The following TBC1D5 variants were observed in gnomAD, a reference collection of about 807,000 sequenced individuals.
The protein encoded by TBC1D5 is TBC1 domain family member 5.
In TBC1D5, 75 loss-of-function variants were observed where a neutral mutation model predicts 100.3. The observed-to-expected ratio is 0.75, with a 90% CI of 0.62 to 0.91. TBC1D5 has a LOEUF of 0.91. TBC1D5 is among the 40% of genes least tolerant of loss of function. TBC1D5 has a pLI of 0.00. For missense variants in TBC1D5, 910 were observed against 942.4 expected (o/e 0.97, Z 0.45); for synonymous variants, 323 against 325.6 (o/e 0.99, Z 0.09).
chr3:17,215,631 G>C (rs1472626099), intron 17 of TBC1D5, among the ~76,000 whole-genome samples: 1 of 152,078 alleles, frequency 6.6e-6, no homozygotes, highest in Non-Finnish European at 1.5e-5. Context: ...GTACCATAGA[G>C]ACTGTATTTA....
At chr3:17,242,775 T>C (rs931560945) in intron 16 of TBC1D5, among the ~76,000 whole-genome samples, 10 of 152,072 alleles carry the variant, frequency 6.6e-5, no homozygotes, top group Non-Finnish European at 1.3e-4. Flanking sequence ...TGGGAAAATG[T>C]TCTGATTTTT....
chr3:17,219,255 C>A (rs2074007709), intron 17 of TBC1D5, among the ~76,000 whole-genome samples: 1 of 151,820 alleles, frequency 6.6e-6, no homozygotes. Flanking sequence ...CTATTTAATT[C>A]TCTTTTTATA....
At chr3:17,484,048 A>C (rs2095530903) in intron 3 of TBC1D5, among the ~76,000 whole-genome samples, 1 of 152,162 alleles carries the variant, frequency 6.6e-6, no homozygotes, top group Non-Finnish European at 1.5e-5. Flanking sequence ...AGGTAAAGAT[A>C]CTACCTATAC....
At chr3:17,180,916 CAAAAAA>C (rs76797012) in intron 19 of TBC1D5, among the ~76,000 whole-genome samples, 1 of 96,176 alleles carries the variant, frequency 1.0e-5, no homozygotes, top group Non-Finnish European at 2.2e-5. Flanking sequence ...ACATTTACAC[CAAAAAA>C]AAAAAAAAAA....
At position 17,298,219 on chromosome 3, in the gene TBC1D5, A is replaced by G. The variant is rs115764333; in HGVS notation, c.1139-6218T>C. Among the ~76,000 whole-genome samples, 1,495 of 152,352 alleles carry G rather than the reference A, an allele frequency of 9.8e-3. 27 individuals carry two copies. The highest frequency in any genetic ancestry group is 0.034 in the African/African-American group (1,401 of 41,576). ...ATACATTGTCAGTAAAAATGGCTGA[A>G]GTACACAAGGTATTTAAGAAGTGCT... is the stretch of plus-strand genomic sequence containing the variant. On this transcript the variant is annotated intron_variant, in intron 14 of 21. Coordinates refer to ENST00000253692, the Ensembl canonical transcript of TBC1D5.
chr3:17,587,456 T>G (rs562213593), intron 2 of TBC1D5, among the ~76,000 whole-genome samples: 6 of 152,146 alleles, frequency 3.9e-5, no homozygotes, highest in African/African-American at 1.4e-4. Flanking sequence ...CAACTGAAAT[T>G]TACTGAGATT....
At chr3:17,445,849 G>A (rs1457633262) in intron 3 of TBC1D5, among the ~76,000 whole-genome samples, 2 of 152,166 alleles carry the variant, frequency 1.3e-5, no homozygotes, top group East Asian at 1.9e-4. Flanking sequence ...ATTCGCCACA[G>A]ATAAGAGTGT....
At position 17,167,773 on chromosome 3, in the gene TBC1D5, CA is replaced by C. The variant is rs1173393278; in HGVS notation, c.1907del (p.Leu636ArgfsTer7). On this transcript the variant is annotated frameshift_variant, in exon 20 of 22. Transcript: ENST00000253692. LOFTEE classifies it high-confidence loss of function. ...CCTGTTTTAATCCTGCCAGGGAAAC[CA>C]GAATTTGATCTTCTTTTTCCAAATT... 2 of 1,613,278 alleles carry C rather than the reference CA, an allele frequency of 1.2e-6. No individual in the cohort carries two copies. Among genetic ancestry groups the C allele is most frequent in the Non-Finnish European group, 8.5e-7 (1 of 1,179,658 alleles).
chr3:17,557,686 G>A (rs2153464157), intron 2 of TBC1D5, among the ~76,000 whole-genome samples: 1 of 152,142 alleles, frequency 6.6e-6, no homozygotes, highest in South Asian at 2.1e-4. Flanking sequence ...TAGTGGCTGG[G>A]ACAACAGACA....
chr3:17,470,953 T>C (rs2095365935), intron 3 of TBC1D5, among the ~76,000 whole-genome samples: 1 of 152,106 alleles, frequency 6.6e-6, no homozygotes, highest in Non-Finnish European at 1.5e-5. Context: ...CATGAACTTC[T>C]GCAAGGAAAA....
chr3:17,429,463 G>A (rs1263391695), intron 3 of TBC1D5, among the ~76,000 whole-genome samples: 2 of 151,750 alleles, frequency 1.3e-5, no homozygotes, highest in Admixed American at 6.6e-5. Context: ...TTTATATAAT[G>A]TAACTTTCAA....
At chr3:17,396,779 G>A (rs946307313) in intron 8 of TBC1D5, among the ~76,000 whole-genome samples, 4 of 152,086 alleles carry the variant, frequency 2.6e-5, no homozygotes, top group Admixed American at 1.3e-4. Context: ...AGAAATAAAA[G>A]TAAATGTTTC....
exon 1 of TBC1D5, chr3:17,740,378 T>C (rs533056381): frequency 2.6e-4 from 39 of 150,990 alleles, no homozygotes; most frequent in African/African-American, 8.3e-4. Context: ...CTTACAACAG[T>C]GTCCGGCACT....
At chr3:17,573,688 C>T (rs116932183) in intron 2 of TBC1D5, among the ~76,000 whole-genome samples, 2,523 of 152,048 alleles carry the variant, frequency 0.017, 53 homozygotes, top group South Asian at 0.048. Flanking sequence ...TTCCCTCCAC[C>T]TAGAGTGTCT....
chr3:17,318,816 T>G (rs953060146), intron 13 of TBC1D5, among the ~76,000 whole-genome samples: 1 of 152,198 alleles, frequency 6.6e-6, no homozygotes, highest in African/African-American at 2.4e-5. Flanking sequence ...ATGTCATCTG[T>G]GTGGTAGCTG....
intron 15 of TBC1D5, among the ~76,000 whole-genome samples, chr3:17,277,918 G>C (rs537404152): frequency 1.3e-5 from 2 of 152,284 alleles, no homozygotes; most frequent in South Asian, 4.1e-4. Context: ...ACGATCTCTA[G>C]AGTTTTAACC....
At chr3:17,658,219 G>A (rs2066282697) in intron 1 of TBC1D5, among the ~76,000 whole-genome samples, 1 of 152,156 alleles carries the variant, frequency 6.6e-6, no homozygotes, top group Non-Finnish European at 1.5e-5. Context: ...TTCCCATCAA[G>A]TGGAGCATGA....
chr3:17,352,245 T>C (rs750408706), intron 13 of TBC1D5, among the ~76,000 whole-genome samples: 18 of 152,262 alleles, frequency 1.2e-4, no homozygotes, highest in Admixed American at 3.3e-4. Flanking sequence ...GGCATTATTC[T>C]GACAGTTTCT....
At chr3:17,364,158 ATTAT>A (rs1553706768) in intron 13 of TBC1D5, among the ~76,000 whole-genome samples, 1 of 152,118 alleles carries the variant, frequency 6.6e-6, no homozygotes, top group Non-Finnish European at 1.5e-5. Flanking sequence ...TTTTCTACTA[ATTAT>A]TTAGAGTTGT....
Sources: gnomAD v4.1 joint callset for allele counts (sites outside exome capture counted in the v4.1 genomes callset) on GRCh38, gnomAD v4.1.1 for gene constraint, MANE v1.5 for transcripts, NCBI Gene and HGNC (gene_info 2026-07-23, HGNC 2026-07-21) for gene names.